PNPT1: variants seen among roughly 807,000 people sequenced by gnomAD.
The protein encoded by PNPT1 is polyribonucleotide nucleotidyltransferase 1, also known as polyribonucleotide nucleotidyltransferase 1, mitochondrial.
PNPT1 carries 53 observed loss-of-function variants against 119.5 expected under a neutral mutation model. The observed-to-expected ratio is 0.44, with a 90% CI of 0.36 to 0.56. The LOEUF (loss-of-function observed/expected upper bound fraction) is 0.56. Among genes scored for constraint, PNPT1 ranks in the 20% least tolerant of loss-of-function variants. The pLI is 0.00. For synonymous variants in PNPT1, 357 were observed against 322.1 expected (o/e 1.11, Z -1.16); for missense variants, 948 against 938.5 (o/e 1.01, Z -0.13).
In PNPT1 at chr2:55,672,135, TAATC is replaced by T. The variant is rs143965036; in HGVS notation, c.867-93_867-90del. On this transcript the variant is annotated intron_variant, in intron 9 of 27. Coordinates refer to ENST00000447944, the MANE Select transcript of PNPT1 (RefSeq NM_033109.5). ...TAAACAAAACTGAAATATTTAATAA[TAATC>T]AGCTAAAACTTTAATAAATACTTCA... The T allele has an allele frequency of 1.5e-3, 1,490 of 963,780 alleles. 6 individuals are homozygous for T. The highest frequency in any genetic ancestry group is 0.014 in the Middle Eastern group (49 of 3,540). The allele number at this position is 963,780 out of a possible 1,614,324, so 59.7% of individuals were successfully genotyped here.
At chr2:55,684,839 C>T (rs1029506110) in intron 4 of PNPT1, 104 bp downstream of exon 4, 1 of 1,305,576 alleles carries the variant, frequency 7.7e-7, no homozygotes, top group Non-Finnish European at 9.9e-7. Context: ...GGTGTTAATG[C>T]TATGAAGGAA....
intron 18 of PNPT1, 36 bp from the exon 19 acceptor site, chr2:55,647,489 G>T: frequency 6.9e-7 from 1 of 1,448,206 alleles, no homozygotes. Flanking sequence ...TGGGTAATGT[G>T]TACATGAGCC....
chr2:55,675,451 A>G (rs1045043684), intron 8 of PNPT1, among the ~76,000 whole-genome samples: 4 of 152,198 alleles, frequency 2.6e-5, no homozygotes, highest in African/African-American at 9.6e-5. Flanking sequence ...AAAATAGAAT[A>G]TGACAAAGAA....
At position 55,667,739 on chromosome 2, in the gene PNPT1, A is replaced by G. The variant is rs1696780124; in HGVS notation, c.1073+123T>C. 4 of 1,289,328 alleles carry G rather than the reference A, an allele frequency of 3.1e-6. No individual in the cohort carries two copies. The African/African-American group carries it at 6.1e-5, about 20-fold the overall frequency. The allele number at this position is 1,289,328 out of a possible 1,614,324, so 79.9% of individuals were successfully genotyped here. On this transcript the variant is annotated intron_variant, in intron 12 of 27. Transcript: ENST00000447944. ...TCAATAGGTGTCCATTTATATAGCAAATATTATAATTCTTTACTGTTCACT... is the reference window on the plus strand; with the variant it reads ...TCAATAGGTGTCCATTTATATAGCAGATATTATAATTCTTTACTGTTCACT...
chr2:55,681,435 T>C (rs989462332), intron 5 of PNPT1, among the ~76,000 whole-genome samples: 36 of 151,870 alleles, frequency 2.4e-4, no homozygotes, highest in African/African-American at 8.0e-4. Context: ...GGAAAAATAA[T>C]GGCCTCTTCC....
intron 13 of PNPT1, 91 bp downstream of exon 13, chr2:55,666,900 C>T (rs1572818261): frequency 1.2e-6 from 1 of 803,616 alleles, no homozygotes; most frequent in Non-Finnish European, 1.9e-6. Flanking sequence ...CACCATATGA[C>T]AAAACCTACA....
Position 55,636,365 on chromosome 2 carries a change from C to G in PNPT1, c.2224G>C (p.Asp742His). ...QVKYFGRDPA[D>H]GRMRLSRKVL... Reference sequence around the variant, plus strand: ...TTTCGAGAAAGCCTCATTCTTCCATCGGCTGGGTCACGTCCAAAGTATTTC... The same window carrying G: ...TTTCGAGAAAGCCTCATTCTTCCATGGGCTGGGTCACGTCCAAAGTATTTC... Residue 742 changes from aspartate (D) to histidine (H), a missense_variant, in exon 28 of 28, where the codon GAT (aspartate) becomes CAT (histidine). By Grantham distance (81) the Asp-to-His change is moderately conservative. Coordinates refer to ENST00000447944, the MANE Select transcript of PNPT1 (RefSeq NM_033109.5). The G allele has an allele frequency of 6.2e-7, 1 of 1,614,052 alleles. No homozygotes were observed. Among genetic ancestry groups the G allele is most frequent in the Non-Finnish European group, 8.5e-7 (1 of 1,179,976 alleles).
At chr2:55,670,500 T>C (rs1205203407) in intron 11 of PNPT1, among the ~76,000 whole-genome samples, 1 of 152,198 alleles carries the variant, frequency 6.6e-6, no homozygotes, top group Non-Finnish European at 1.5e-5. Context: ...GTTGATATTA[T>C]ACAGTAAGAT....
intron 5 of PNPT1, among the ~76,000 whole-genome samples, 198 bp from the exon 6 acceptor site, chr2:55,681,116 G>A (rs528037627): frequency 1.3e-5 from 2 of 152,168 alleles, no homozygotes; most frequent in Admixed American, 6.5e-5. Flanking sequence ...TCTTTAAAAG[G>A]GAAAAACAGG....
intron 15 of PNPT1, among the ~76,000 whole-genome samples, chr2:55,656,801 C>T (rs1696401407): frequency 6.6e-6 from 1 of 152,194 alleles, no homozygotes; most frequent in African/African-American, 2.4e-5. Flanking sequence ...AGAGTTATCT[C>T]TCTCCACTAA....
chr2:55,639,481 TTAAAC>T (rs764575925), intron 26 of PNPT1, among the ~76,000 whole-genome samples: 12 of 152,196 alleles, frequency 7.9e-5, no homozygotes, highest in Non-Finnish European at 1.6e-4. Context: ...ACTGAGAATT[TTAAAC>T]TATCTGAAAG....
chr2:55,636,416 C>T, intron 27 of PNPT1, 24 bp from the exon 28 acceptor site: 2 of 1,610,762 alleles, frequency 1.2e-6, no homozygotes, highest in Non-Finnish European at 1.7e-6. Flanking sequence ...ACAGATCTTC[C>T]TTTAAAGTTA....
chr2:55,667,973 C>A lies in PNPT1; in HGVS notation c.977-15G>T, dbSNP rs747050325. On this transcript the variant is annotated splice_polypyrimidine_tract_variant and intron_variant, in intron 11 of 27. Transcript: ENST00000447944. ...TGGAAATTTTTCTATAGAAAAAAGA[C>A]AAACCAAAACAAAGATTTTTACTTT... 5 of 1,562,040 alleles carry A rather than the reference C, an allele frequency of 3.2e-6. No individual in the cohort carries two copies. The Admixed American group carries it at 1.1e-4, about 35-fold the overall frequency.
intron 8 of PNPT1, among the ~76,000 whole-genome samples, chr2:55,676,297 A>C (rs560615746): frequency 1.3e-5 from 2 of 150,728 alleles, no homozygotes; most frequent in South Asian, 4.2e-4. Context: ...AGATTGCTAT[A>C]AACTGTCAAC....
In PNPT1 at chr2:55,654,953, C is replaced by G. The variant is rs1696337264; in HGVS notation, c.1442G>C (p.Gly481Ala). The change falls in exon 18 of 28, where the codon GGG becomes GCG. Residue 481 changes from glycine (G) to alanine (A), a missense_variant and splice_region_variant. By Grantham distance (60) the Gly-to-Ala change is moderately conservative. Coordinates refer to ENST00000447944, the MANE Select transcript of PNPT1 (RefSeq NM_033109.5). ...ACATGCAGATGCCATAGAAGATGAC[C>G]CTATAGAAAGAAAAATAACTGCTTT... Reference protein sequence around the residue: ...RVTSEVLESNGSSSMASACGG... With the variant: ...RVTSEVLESNASSSMASACGG... 6.2e-7 allele frequency: 1 copy of G among 1,611,046 alleles called. No homozygotes were observed.
At chr2:55,642,519 T>C (rs1695863087) in intron 25 of PNPT1, among the ~76,000 whole-genome samples, 1 of 141,782 alleles carries the variant, frequency 7.1e-6, no homozygotes. Flanking sequence ...TGAGGCAGAA[T>C]GGCGTGAACC....
chr2:55,668,274 T>C (rs532385948), intron 11 of PNPT1, among the ~76,000 whole-genome samples: 1 of 152,216 alleles, frequency 6.6e-6, no homozygotes, highest in Non-Finnish European at 1.5e-5. Context: ...TCTCACTCTG[T>C]TGTCCAGGCT....
intron 18 of PNPT1, among the ~76,000 whole-genome samples, chr2:55,651,885 C>CAAAAAAAAAAAAAAAAAAAAAAAATAAA: frequency 3.3e-5 from 4 of 119,760 alleles, no homozygotes; most frequent in Non-Finnish European, 5.0e-5. Context: ...AAAGGAAAGT[C>CAAAAAAAAAAAAAAAAAAAAAAAATAAA]AAAAAAAAAA....
At chr2:55,668,853 G>A (rs904218995) in intron 11 of PNPT1, among the ~76,000 whole-genome samples, 1 of 152,120 alleles carries the variant, frequency 6.6e-6, no homozygotes, top group Non-Finnish European at 1.5e-5. Context: ...GCCTGCCTTG[G>A]CCTCCCAAAG....
Sources: gnomAD v4.1 joint callset for allele counts (sites outside exome capture counted in the v4.1 genomes callset) on GRCh38, gnomAD v4.1.1 for gene constraint, MANE v1.5 for transcripts, NCBI Gene and HGNC (gene_info 2026-07-23, HGNC 2026-07-21) for gene names.